DLG2: variants seen among roughly 807,000 people sequenced by gnomAD.
The protein encoded by DLG2 is disks large homolog 2.
DLG2 carries 45 observed loss-of-function variants against 132.5 expected under a neutral mutation model. That is an observed-to-expected ratio of 0.34 (90% CI 0.27 to 0.44). DLG2 has a LOEUF of 0.44. Among genes scored for constraint, DLG2 ranks in the 20% least tolerant of loss-of-function variants. The pLI, the probability that DLG2 is intolerant of heterozygous loss-of-function variation, is 1.00. For synonymous variants in DLG2, 424 were observed against 419.6 expected (o/e 1.01, Z -0.13); for missense variants, 1,045 against 1,196.9 (o/e 0.87, Z 1.87).
At chr11:85,058,769 G>A (rs1041038413) in intron 6 of DLG2, among the ~76,000 whole-genome samples, 3 of 151,336 alleles carry the variant, frequency 2.0e-5, no homozygotes, top group African/African-American at 7.3e-5. Context: ...ATAATTAAAT[G>A]GGGGAAAAGG....
At chr11:84,795,005 C>T (rs2074375382) in intron 6 of DLG2, among the ~76,000 whole-genome samples, 1 of 152,190 alleles carries the variant, frequency 6.6e-6, no homozygotes, top group Non-Finnish European at 1.5e-5. Context: ...CTAGTGAAGC[C>T]CTACCATCAG....
Position 83,790,601 on chromosome 11 carries a change from G to GA in DLG2, c.1723-3810dup, listed in dbSNP as rs1411995394. The GA allele has an allele frequency of 5.3e-6, 7 of 1,323,114 alleles. No homozygotes were observed. The East Asian group carries it at 1.6e-4, about 30-fold the overall frequency. 82.0% of individuals were successfully genotyped at this position (1,323,114 alleles called of 1,614,324 possible). A position where few individuals can be genotyped will look rare whatever the true frequency, so the allele number is the denominator to read the frequency against. ...GGGCTTCTGTGCCAGTAAGTCCACT[G>GA]AAGTTCCTTTGGATTTGATTATTTT... On this transcript the variant is annotated intron_variant, in intron 17 of 27. Coordinates refer to ENST00000376104, the MANE Select transcript of DLG2 (RefSeq NM_001142699.3).
intron 19 of DLG2, among the ~76,000 whole-genome samples, chr11:83,607,506 T>G (rs2059523758): frequency 6.6e-6 from 1 of 152,152 alleles, no homozygotes; most frequent in South Asian, 2.1e-4. Flanking sequence ...CACGACAGAG[T>G]CTTAGCAAGG....
Position 84,639,481 on chromosome 11 carries a change from C to T in DLG2, c.358-104750G>A, listed in dbSNP as rs1224013480. Among the ~76,000 whole-genome samples the T allele has an allele frequency of 3.1e-4, 47 of 151,258 alleles. 1 individual carries two copies. The highest frequency in any genetic ancestry group is 1.5e-5 in the Non-Finnish European group (1 of 67,926). On this transcript the variant is annotated intron_variant, in intron 6 of 27. Transcript: ENST00000376104. ...TTGCCATCTTATAACATTGACAGTTCTAATACTTATTATAAAGGTTTGCTT... is the reference window on the plus strand; with the variant it reads ...TTGCCATCTTATAACATTGACAGTTTTAATACTTATTATAAAGGTTTGCTT...
intron 4 of DLG2, among the ~76,000 whole-genome samples, chr11:85,262,521 T>C (rs2076996620): frequency 6.6e-6 from 1 of 152,152 alleles, no homozygotes; most frequent in Admixed American, 6.5e-5. Context: ...CAAACCTCCA[T>C]GATTTAGCAG....
intron 6 of DLG2, among the ~76,000 whole-genome samples, chr11:85,005,353 C>A (rs986803707): frequency 6.6e-6 from 1 of 152,186 alleles, no homozygotes. Flanking sequence ...TTCTTCCTAT[C>A]CATGAGCATG....
At chr11:83,693,098 C>G (rs2081267214) in intron 18 of DLG2, 1 of 151,990 alleles carries the variant, frequency 6.6e-6, no homozygotes, top group South Asian at 2.1e-4. Flanking sequence ...TTGTTTAAAC[C>G]TTTTTTTGAG....
intron 18 of DLG2, among the ~76,000 whole-genome samples, chr11:83,638,892 C>G (rs1432658622): frequency 6.6e-6 from 1 of 152,108 alleles, no homozygotes; most frequent in Non-Finnish European, 1.5e-5. Flanking sequence ...TTGGATGGAG[C>G]AAGGTCATAG....
intron 18 of DLG2, among the ~76,000 whole-genome samples, chr11:83,697,037 T>C (rs1481078882): frequency 1.3e-5 from 2 of 152,188 alleles, no homozygotes; most frequent in African/African-American, 2.4e-5. Flanking sequence ...AATTTTTCTG[T>C]GGGTGAGGTC....
intron 11 of DLG2, among the ~76,000 whole-genome samples, chr11:84,049,313 T>A (rs11233888): frequency 0.1 from 15,454 of 151,808 alleles, 1,058 homozygotes; most frequent in African/African-American, 0.19. Context: ...AAAAATCAAA[T>A]ATCTAGAAAT....
intron 8 of DLG2, among the ~76,000 whole-genome samples, chr11:84,197,308 T>C (rs577840691): frequency 6.6e-6 from 1 of 152,256 alleles, no homozygotes; most frequent in Non-Finnish European, 1.5e-5. Flanking sequence ...AAAGGAAGGC[T>C]CTATGATGTG....
At chr11:84,081,282 T>A (rs2096899228) in intron 10 of DLG2, among the ~76,000 whole-genome samples, 1 of 152,150 alleles carries the variant, frequency 6.6e-6, no homozygotes, top group African/African-American at 2.4e-5. Flanking sequence ...GTGCGAAGGA[T>A]GATTTATACA....
intron 3 of DLG2, among the ~76,000 whole-genome samples, chr11:85,566,638 A>C (rs2077540341): frequency 6.6e-6 from 1 of 152,098 alleles, no homozygotes; most frequent in Non-Finnish European, 1.5e-5. Flanking sequence ...TCCCATTCAC[A>C]AGGGGTCTGT....
chr11:85,308,631 T>G (rs2080118910), intron 3 of DLG2, among the ~76,000 whole-genome samples: 1 of 152,234 alleles, frequency 6.6e-6, no homozygotes, highest in Non-Finnish European at 1.5e-5. Context: ...GCCAGATTTT[T>G]GTAGTTCCCC....
Position 83,764,919 on chromosome 11 carries a change from C to T in DLG2, c.1825+21771G>A, listed in dbSNP as rs117256441. Among the ~76,000 whole-genome samples the T allele has an allele frequency of 5.4e-4, 83 of 152,332 alleles. No homozygotes were observed. The East Asian group carries it at 0.013, about 25-fold the overall frequency. On this transcript the variant is annotated intron_variant, in intron 18 of 27. Transcript: ENST00000376104. ...GGCTCTCAGGCTGCAGAATGATAGG[C>T]TGATAGGCCTGCCCTGTAGGTGTGG...
At chr11:83,689,912 ATAT>A (rs1022976691) in intron 18 of DLG2, among the ~76,000 whole-genome samples, 5 of 144,810 alleles carry the variant, frequency 3.5e-5, no homozygotes, top group African/African-American at 5.1e-5. Flanking sequence ...ATTTATGTAA[ATAT>A]TATATATTTA....
intron 6 of DLG2, among the ~76,000 whole-genome samples, chr11:85,067,882 C>T (rs1197090936): frequency 6.6e-6 from 1 of 152,050 alleles, no homozygotes; most frequent in African/African-American, 2.4e-5. Flanking sequence ...CCCTGATGAA[C>T]ATCGATGCAA....
chr11:85,466,805 T>C (rs2092806721), intron 3 of DLG2, among the ~76,000 whole-genome samples: 1 of 152,186 alleles, frequency 6.6e-6, no homozygotes. Context: ...TCTTTTTTGG[T>C]TCCATATGAA....
At chr11:85,257,530 A>G (rs1229306021) in intron 4 of DLG2, among the ~76,000 whole-genome samples, 1 of 152,212 alleles carries the variant, frequency 6.6e-6, no homozygotes, top group African/African-American at 2.4e-5. Context: ...AGACTTTGCC[A>G]TTGACAACAA....
Sources: allele counts gnomAD v4.1 joint callset (sites outside exome capture counted in the v4.1 genomes callset), GRCh38; gene constraint gnomAD v4.1.1; transcripts MANE v1.5; gene names NCBI Gene and HGNC (gene_info 2026-07-23, HGNC 2026-07-21).